HSPD1: variants seen among roughly 807,000 people sequenced by gnomAD.
The protein encoded by HSPD1 is 60 kDa heat shock protein, mitochondrial.
HSPD1 carries 3 observed loss-of-function variants against 53.0 expected under a neutral mutation model. The observed-to-expected ratio is 0.06, with a 90% confidence interval of 0.03 to 0.15. The LOEUF is 0.15. HSPD1 is among the 10% of genes least tolerant of loss of function. The pLI is 1.00. For missense variants in HSPD1, 431 were observed against 694.1 expected (o/e 0.62, Z 4.26); for synonymous variants, 200 against 228.0 (o/e 0.88, Z 1.10).
chr2:197,495,231 A>T, intron 4 of HSPD1, 63 bp downstream of exon 4: 1 of 914,676 alleles, frequency 1.1e-6, no homozygotes, highest in South Asian at 1.3e-5. Flanking sequence ...GATCAAGGGA[A>T]AAAAAAAATC....
intron 10 of HSPD1, 50 bp from the exon 11 acceptor site, chr2:197,488,086 TA>T: frequency 7.8e-7 from 1 of 1,289,638 alleles, no homozygotes; most frequent in South Asian, 1.3e-5. Flanking sequence ...GTAAATATTG[TA>T]ACACATTTAT....
rs1559303031 is a variant in HSPD1 at position 197,495,488 on chromosome 2, A to AT, written c.428-113_428-112insA. On this transcript the variant is annotated intron_variant, in intron 3 of 11. Coordinates refer to ENST00000388968, the MANE Select transcript of HSPD1 (RefSeq NM_002156.5). ...TTTAATGCCTTAACTTAAAAAAAAA[A>AT]ATTTTTTTTTTTTTTGAGACAGGGT... is the stretch of plus-strand genomic sequence containing the variant. 371 of 790,764 alleles carry AT rather than the reference A, an allele frequency of 4.7e-4. 1 individual carries two copies. Among genetic ancestry groups the AT allele is most frequent in the African/African-American group, 4.3e-3 (242 of 56,068 alleles). The allele number at this position is 790,764 out of a possible 1,614,324, so 49.0% of individuals were successfully genotyped here.
chr2:197,498,800 C>T lies in HSPD1; in HGVS notation c.49G>A (p.Val17Ile). Reference sequence around the variant, plus strand: ...GCCCGAGTGAGATGAGGAGCCAGTACCCTGGACACCGGTCTCATCTGGCGA... The same window carrying T: ...GCCCGAGTGAGATGAGGAGCCAGTATCCTGGACACCGGTCTCATCTGGCGA... Reference protein sequence around the residue: ...VFRQMRPVSRVLAPHLTRAYA... With the variant: ...VFRQMRPVSRILAPHLTRAYA... Residue 17 changes from valine to isoleucine, a missense_variant, in exon 2 of 12, where the codon GTA (valine) becomes ATA (isoleucine). By Grantham distance (29) the Val-to-Ile change is conservative. Coordinates refer to ENST00000388968, the MANE Select transcript of HSPD1 (RefSeq NM_002156.5). 2 of 1,614,160 alleles carry T rather than the reference C, an allele frequency of 1.2e-6. No individual in the cohort carries two copies. Among genetic ancestry groups the T allele is most frequent in the Non-Finnish European group, 1.7e-6 (2 of 1,180,032 alleles).
At chr2:197,489,360 G>T in intron 8 of HSPD1, 113 bp from the exon 9 acceptor site, 1 of 1,144,770 alleles carries the variant, frequency 8.7e-7, no homozygotes, top group Non-Finnish European at 1.3e-6. Context: ...TCTTTGAAAT[G>T]AGAGATTTTA....
chr2:197,496,482 T>C (rs2086158524), intron 3 of HSPD1, among the ~76,000 whole-genome samples: 1 of 152,328 alleles, frequency 6.6e-6, no homozygotes, highest in African/African-American at 2.4e-5. Context: ...AGAGGGTTCC[T>C]GGTTTGAACC....
At position 197,494,216 on chromosome 2, in the gene HSPD1, A is replaced by G. The variant is rs760626629; in HGVS notation, c.641T>C (p.Ile214Thr). 9.0e-6 allele frequency: 14 copies of G among 1,561,534 alleles called. No homozygotes were observed. Among genetic ancestry groups the G allele is most frequent in the Non-Finnish European group, 1.2e-5 (14 of 1,132,860 alleles). Residue 214 changes from isoleucine to threonine, a missense_variant, in exon 6 of 12, where the codon ATT becomes ACT. By Grantham distance (89) the Ile-to-Thr change is moderately conservative. This residue lies in a region of HSPD1 where 386 missense variants were observed against 657.6 expected (regional missense o/e 0.59). Transcript: ENST00000388968. ...GKTLNDELEI[I>T]EGMKFDRGYI... ...GCCTCGATCAAACTTCATGCCTTCA[A>G]TAATTTCTAATTCATCATTCAGTGT...
At chr2:197,487,506 C>G (rs2086040763) in intron 11 of HSPD1, among the ~76,000 whole-genome samples, 1 of 152,194 alleles carries the variant, frequency 6.6e-6, no homozygotes, top group Non-Finnish European at 1.5e-5. Flanking sequence ...GCACTCCAGC[C>G]TGGGCGACAC....
Position 197,488,042 on chromosome 2 carries a change from G to A in HSPD1, c.1391-6C>T. On this transcript the variant is annotated splice_region_variant and splice_polypyrimidine_tract_variant and intron_variant, in intron 10 of 11. Coordinates refer to ENST00000388968, the MANE Select transcript of HSPD1 (RefSeq NM_002156.5). ...TCTTTTAATAATTTCTATACCTACA[G>A]AGAAATTTCAGCAAAATTTTAATAC... 6.3e-7 allele frequency: 1 copy of A among 1,580,796 alleles called. No individual in the cohort carries two copies. The highest frequency in any genetic ancestry group is 8.7e-7 in the Non-Finnish European group (1 of 1,155,588).
chr2:197,494,994 G>A, intron 4 of HSPD1: 1 of 596,358 alleles, frequency 1.7e-6, no homozygotes, highest in Non-Finnish European at 3.0e-6. Context: ...GTTTAAAAAT[G>A]CTGACTTCAT....
chr2:197,488,200 A>G (rs1169487532), intron 10 of HSPD1, 117 bp downstream of exon 10: 4 of 1,034,624 alleles, frequency 3.9e-6, no homozygotes, highest in African/African-American at 3.2e-5. Context: ...CATTAGCACT[A>G]TTCTACTTCT....
In HSPD1 at chr2:197,487,896, C is replaced by G. The variant is rs761774021; in HGVS notation, c.1531G>C (p.Val511Leu). Residue 511 changes from valine to leucine, a missense_variant, in exon 11 of 12, where the codon GTG becomes CTG. Physicochemically the swap from Val to Leu is conservative, Grantham distance 32 (BLOSUM62 1). Transcript: ENST00000388968. Reference protein sequence around the residue: ...VGYDAMAGDFVNMVEKGIIDP... With the variant: ...VGYDAMAGDFLNMVEKGIIDP... The stretch of plus-strand genomic sequence containing the variant: ...ATGATTCCTTTTTCCACCATATTCA[C>G]AAAATCTCCAGCCATAGCATCATAA... 6.2e-7 allele frequency: 1 copy of G among 1,613,850 alleles called. No homozygotes were observed. Among genetic ancestry groups the G allele is most frequent in the South Asian group, 1.1e-5 (1 of 91,070 alleles).
chr2:197,500,018 G>A (rs952403147), upstream of HSPD1: 2 of 171,570 alleles, frequency 1.2e-5, no homozygotes, highest in Non-Finnish European at 2.5e-5. Flanking sequence ...GTGTGCTAGC[G>A]CGCTCAGCCC....
chr2:197,500,096 T>C (rs1202653554), upstream of HSPD1: 4 of 360,736 alleles, frequency 1.1e-5, no homozygotes, highest in Non-Finnish European at 2.1e-5. Context: ...AATGCCGCGC[T>C]CCCTACGGCT....
chr2:197,495,272 G>A (rs533838052), intron 4 of HSPD1, 22 bp downstream of exon 4: 14 of 1,456,596 alleles, frequency 9.6e-6, no homozygotes, highest in East Asian at 9.1e-5. Context: ...TTTAAAAAAC[G>A]TGTAACATGT....
At chr2:197,498,083 A>G (rs2086181249) in intron 2 of HSPD1, among the ~76,000 whole-genome samples, 1 of 152,236 alleles carries the variant, frequency 6.6e-6, no homozygotes. Flanking sequence ...ACCGATGGGT[A>G]AAACTAGCAT....
chr2:197,498,815 T>C lies in HSPD1; in HGVS notation c.34A>G (p.Arg12Gly). 8 of 1,614,202 alleles carry C rather than the reference T, an allele frequency of 5.0e-6. No homozygotes were observed. The highest frequency in any genetic ancestry group is 6.8e-6 in the Non-Finnish European group (8 of 1,180,048). The change falls in exon 2 of 12, where the codon AGA becomes GGA. Residue 12 changes from arginine (R) to glycine (G), a missense_variant. Arg to Gly is a moderately radical substitution (Grantham distance 125). Coordinates refer to ENST00000388968, the MANE Select transcript of HSPD1 (RefSeq NM_002156.5). ...GGAGCCAGTACCCTGGACACCGGTC[T>C]CATCTGGCGAAAGACTGTGGGTAAC... ...LRLPTVFRQM[R>G]PVSRVLAPHL...
At chr2:197,497,766 G>A (rs994577580) in intron 2 of HSPD1, among the ~76,000 whole-genome samples, 6 of 152,180 alleles carry the variant, frequency 3.9e-5, no homozygotes, top group Admixed American at 2.0e-4. Flanking sequence ...TTTAAAATCC[G>A]TTTAACTAAA....
intron 5 of HSPD1, chr2:197,494,453 T>C (rs553271915): frequency 3.2e-6 from 2 of 630,566 alleles, no homozygotes; most frequent in African/African-American, 3.7e-5. Context: ...ATGGATTCAT[T>C]TCATGCAGCA....
intron 3 of HSPD1, 107 bp downstream of exon 3, chr2:197,497,033 A>C (rs2086166779): frequency 5.3e-6 from 6 of 1,131,848 alleles, no homozygotes; most frequent in Middle Eastern, 3.9e-4. Context: ...AGGAGGAATG[A>C]GAGAAGGATT....
Sources: gnomAD v4.1 joint callset for allele counts (sites outside exome capture counted in the v4.1 genomes callset) on GRCh38, gnomAD v4.1.1 for gene constraint, gnomAD v4.1.1 regional missense constraint, MANE v1.5 for transcripts, NCBI Gene and HGNC (gene_info 2026-07-23, HGNC 2026-07-21) for gene names.